Variants in PLXDC2 observed in about 807,000 individuals in gnomAD.
PLXDC2 encodes the protein plexin domain containing 2.
In PLXDC2, 40 loss-of-function variants were observed where a neutral mutation model predicts 68.9. The observed-to-expected ratio is 0.58, with a 90% CI of 0.45 to 0.76. The LOEUF (loss-of-function observed/expected upper bound fraction) is 0.76, where lower values mean the gene tolerates loss of function less well. Among genes scored for constraint, PLXDC2 ranks in the 30% least tolerant of loss-of-function variants. The pLI is 0.00. For synonymous variants in PLXDC2, 243 were observed against 234.2 expected, an observed-to-expected ratio of 1.04 and a Z score of -0.34; for missense variants, 644 against 661.9, an observed-to-expected ratio of 0.97 and a Z score of 0.30.
At chr10:20,216,641 A>G (rs1835141859) in intron 10 of PLXDC2, among the ~76,000 whole-genome samples, 1 of 152,216 alleles carries the variant, frequency 6.6e-6, no homozygotes, top group Non-Finnish European at 1.5e-5. Context: ...GTTATTTTCT[A>G]CTCAAGGCCC....
intron 13 of PLXDC2, among the ~76,000 whole-genome samples, chr10:20,276,388 C>G (rs957833298): frequency 6.6e-6 from 1 of 152,118 alleles, no homozygotes; most frequent in Admixed American, 6.5e-5. Flanking sequence ...TTGAGTCAGA[C>G]CTGGATGACT....
At position 20,279,987 on chromosome 10, in the gene PLXDC2, A is replaced by T; in HGVS notation, c.*168A>T. On this transcript the variant is annotated 3_prime_UTR_variant, in exon 14 of 14. Transcript: ENST00000377252. ...AAGCTCAGCCCAGGAAACAAAGGGT[A>T]AACAAAAAACTAAAACTTATACAAG... The T allele has an allele frequency of 1.7e-6, 1 of 588,642 alleles. No individual in the cohort carries two copies. Among genetic ancestry groups the T allele is most frequent in the Non-Finnish European group, 3.0e-6 (1 of 332,526 alleles). 36.5% of individuals were successfully genotyped at this position (588,642 alleles called of 1,614,324 possible).
chr10:19,995,378 G>A (rs572439083), intron 1 of PLXDC2, among the ~76,000 whole-genome samples: 1 of 152,192 alleles, frequency 6.6e-6, no homozygotes. Context: ...TTTCAGCAAT[G>A]AATTGTTATA....
rs147448072 is a variant in PLXDC2 at position 19,856,202 on chromosome 10, G to A, written c.112+39011G>A. 3.9e-3 allele frequency among the ~76,000 whole-genome samples: 600 copies of A among 152,290 alleles called. 2 individuals are homozygous for A. The highest frequency in any genetic ancestry group is 0.014 in the African/African-American group (577 of 41,566). On this transcript the variant is annotated intron_variant, in intron 1 of 13. Transcript: ENST00000377252. ...TTGTCAATTCATATATTTACTAATA[G>A]TGTAGAATGTTTTGTGAACTATTTA...
chr10:19,991,263 C>T (rs1336408542), intron 1 of PLXDC2, among the ~76,000 whole-genome samples: 2 of 148,094 alleles, frequency 1.4e-5, no homozygotes, highest in Non-Finnish European at 1.5e-5. Flanking sequence ...AAAAAAACAA[C>T]AACTGTGATT....
intron 1 of PLXDC2, among the ~76,000 whole-genome samples, chr10:19,825,316 G>A (rs925569883): frequency 1.3e-5 from 2 of 152,166 alleles, no homozygotes; most frequent in Non-Finnish European, 2.9e-5. Flanking sequence ...AGAATGTTAA[G>A]AGTTTGCCCT....
At chr10:20,005,949 G>A (rs1055562337) in intron 2 of PLXDC2, among the ~76,000 whole-genome samples, 1 of 152,180 alleles carries the variant, frequency 6.6e-6, no homozygotes, top group Admixed American at 6.5e-5. Flanking sequence ...CAGCACTTTG[G>A]TAGGCTGAAG....
chr10:19,875,283 G>A (rs987774593), intron 1 of PLXDC2, among the ~76,000 whole-genome samples: 3 of 152,146 alleles, frequency 2.0e-5, no homozygotes, highest in Admixed American at 1.3e-4. Flanking sequence ...TGGAGTTAGC[G>A]GCTCTTTCTC....
At chr10:20,142,734 T>C (rs1834023311) in intron 4 of PLXDC2, among the ~76,000 whole-genome samples, 2 of 151,952 alleles carry the variant, frequency 1.3e-5, no homozygotes, top group South Asian at 4.1e-4. Context: ...GCTGATAATA[T>C]AGAGGCTTGA....
In PLXDC2 at chr10:20,070,579, A is replaced by G. The variant is rs137952474; in HGVS notation, c.541+2340A>G. Among the ~76,000 whole-genome samples the G allele has an allele frequency of 2.6e-3, 394 of 152,320 alleles. 2 individuals are homozygous for G. Among genetic ancestry groups the G allele is most frequent in the African/African-American group, 9.0e-3 (375 of 41,578 alleles). The stretch of plus-strand genomic sequence containing the variant: ...TAATTTTGTTGAAGGGTTAAATGAA[A>G]AGGGAAGAGGAAAATTGAAAGGTGG... On this transcript the variant is annotated intron_variant, in intron 4 of 13. Coordinates refer to ENST00000377252, the MANE Select transcript of PLXDC2 (RefSeq NM_032812.9).
chr10:20,252,909 G>A (rs1411316198), intron 13 of PLXDC2, among the ~76,000 whole-genome samples: 1 of 152,076 alleles, frequency 6.6e-6, no homozygotes, highest in African/African-American at 2.4e-5. Flanking sequence ...GATCGCTTGA[G>A]CTCAGGAGGT....
intron 7 of PLXDC2, among the ~76,000 whole-genome samples, chr10:20,168,574 C>G (rs1461338505): frequency 2.6e-5 from 4 of 152,226 alleles, no homozygotes; most frequent in South Asian, 4.1e-4. Context: ...GTCTGCCTGT[C>G]TGTCCATCTG....
At chr10:20,179,348 A>G (rs946159397) in intron 9 of PLXDC2, among the ~76,000 whole-genome samples, 1 of 152,106 alleles carries the variant, frequency 6.6e-6, no homozygotes. Context: ...ATTTGCCCTT[A>G]TATCTCCAGA....
intron 2 of PLXDC2, among the ~76,000 whole-genome samples, chr10:20,015,356 G>T (rs1453027235): frequency 2.0e-5 from 3 of 152,106 alleles, no homozygotes; most frequent in African/African-American, 7.2e-5. Flanking sequence ...GTGTGCACGT[G>T]TCTGTGTGTT....
rs1836029033 is a variant in PLXDC2 at position 20,277,888 on chromosome 10, A to G, written c.1474-1815A>G. On this transcript the variant is annotated intron_variant, in intron 13 of 13. Transcript: ENST00000377252. ...GTAACTATCCTTCTACTCTATCTCC[A>G]TGAGTTTAATTGTTTTGATTCTTAG... is the stretch of plus-strand genomic sequence containing the variant. Among the ~76,000 whole-genome samples, 3 of 152,068 alleles carry G rather than the reference A, an allele frequency of 2.0e-5. No homozygotes were observed. The South Asian group carries it at 6.2e-4, about 32-fold the overall frequency.
At chr10:20,119,235 C>G (rs564377006) in intron 4 of PLXDC2, among the ~76,000 whole-genome samples, 11 of 152,254 alleles carry the variant, frequency 7.2e-5, no homozygotes, top group Non-Finnish European at 1.2e-4. Context: ...GACCACCAAA[C>G]AGGCTTTGTG....
At chr10:20,237,819 G>A (rs555857435) in intron 12 of PLXDC2, among the ~76,000 whole-genome samples, 2 of 152,100 alleles carry the variant, frequency 1.3e-5, no homozygotes, top group Non-Finnish European at 1.5e-5. Context: ...TTCCCCAAAG[G>A]ATATTAATAT....
At chr10:19,821,253 T>A (rs1331676882) in intron 1 of PLXDC2, among the ~76,000 whole-genome samples, 1 of 152,178 alleles carries the variant, frequency 6.6e-6, no homozygotes, top group African/African-American at 2.4e-5. Context: ...TCTCACCAGA[T>A]GAGCTGCTGA....
chr10:20,107,126 CTATATACTATG>C (rs1564317560), intron 4 of PLXDC2, among the ~76,000 whole-genome samples: 3 of 149,620 alleles, frequency 2.0e-5, no homozygotes, highest in Admixed American at 1.3e-4. Context: ...GTGCTGTATA[CTATATACTATG>C]TATTCTACAT....
Sources: gnomAD v4.1 joint callset for allele counts (sites outside exome capture counted in the v4.1 genomes callset) on GRCh38, gnomAD v4.1.1 for gene constraint, MANE v1.5 for transcripts, NCBI Gene and HGNC (gene_info 2026-07-23, HGNC 2026-07-21) for gene names.